The following PPP3CA variants were observed in gnomAD, a reference collection of about 807,000 sequenced individuals.
The protein encoded by PPP3CA is protein phosphatase 3 catalytic subunit alpha.
Under a neutral mutation model 66.5 loss-of-function variants are expected in PPP3CA, and 14 were observed. The ratio of observed to expected loss-of-function variants is 0.21; its 90% CI spans 0.14 to 0.33. The LOEUF is 0.33. PPP3CA is among the 10% of genes least tolerant of loss of function. The pLI, the probability that PPP3CA is intolerant of heterozygous loss-of-function variation, is 1.00. For synonymous variants in PPP3CA, 232 were observed against 226.2 expected (o/e 1.03, Z -0.23); for missense variants, 317 against 639.5 (o/e 0.50, Z 5.44).
intron 4 of PPP3CA, among the ~76,000 whole-genome samples, chr4:101,099,356 CTTGT>C (rs1730342461): frequency 6.6e-6 from 1 of 152,068 alleles, no homozygotes; most frequent in Admixed American, 6.6e-5. Flanking sequence ...CCCTAAATCA[CTTGT>C]TTCTTAGGAT....
At chr4:101,085,624 T>C (rs1340782891) in intron 6 of PPP3CA, among the ~76,000 whole-genome samples, 2 of 152,202 alleles carry the variant, frequency 1.3e-5, no homozygotes, top group Non-Finnish European at 2.9e-5. Flanking sequence ...TATACTCAGC[T>C]TTTCAAAGAA....
intron 10 of PPP3CA, among the ~76,000 whole-genome samples, chr4:101,045,987 G>C (rs1360694962): frequency 6.6e-6 from 1 of 152,212 alleles, no homozygotes; most frequent in Non-Finnish European, 1.5e-5. Flanking sequence ...ATACTTGGAA[G>C]AAATTTGGTT....
chr4:101,216,875 T>A (rs1020532711), intron 1 of PPP3CA, among the ~76,000 whole-genome samples: 4 of 152,036 alleles, frequency 2.6e-5, no homozygotes, highest in Non-Finnish European at 5.9e-5. Flanking sequence ...CTTCTTACAG[T>A]TAAATAAAAT....
intron 8 of PPP3CA, among the ~76,000 whole-genome samples, chr4:101,063,849 A>G (rs113498904): frequency 9.9e-5 from 15 of 152,108 alleles, no homozygotes; most frequent in African/African-American, 3.6e-4. Context: ...TTAAATTAAT[A>G]TAATAATTGT....
chr4:101,252,277 C>T (rs1726702283), intron 1 of PPP3CA, among the ~76,000 whole-genome samples: 1 of 151,988 alleles, frequency 6.6e-6, no homozygotes. Flanking sequence ...CCATGTTAGT[C>T]GTGAAAGAAC....
At chr4:101,079,417 C>T (rs1474594590) in intron 8 of PPP3CA, among the ~76,000 whole-genome samples, 4 of 145,032 alleles carry the variant, frequency 2.8e-5, no homozygotes, top group African/African-American at 5.1e-5. Context: ...CTCGCTCTGT[C>T]GCCCAGGCTG....
chr4:101,063,451 T>G, intron 8 of PPP3CA, 94 bp from the exon 9 acceptor site: 1 of 1,424,866 alleles, frequency 7.0e-7, no homozygotes, highest in Middle Eastern at 2.6e-4. Context: ...ACCATTTGAC[T>G]GAAGTTCCAA....
At chr4:101,144,171 T>G (rs971620002) in intron 2 of PPP3CA, among the ~76,000 whole-genome samples, 1 of 152,216 alleles carries the variant, frequency 6.6e-6, no homozygotes, top group African/African-American at 2.4e-5. Flanking sequence ...GCCTTCAGCC[T>G]TGCTCCCTCC....
chr4:101,117,471 TTGAA>T (rs904050682), intron 2 of PPP3CA, among the ~76,000 whole-genome samples: 31 of 151,886 alleles, frequency 2.0e-4, no homozygotes, highest in Admixed American at 4.6e-4. Context: ...CCTCCATTGA[TTGAA>T]TACTTTAAAA....
At chr4:101,271,551 G>A (rs1727337097) in intron 1 of PPP3CA, among the ~76,000 whole-genome samples, 1 of 152,098 alleles carries the variant, frequency 6.6e-6, no homozygotes, top group Non-Finnish European at 1.5e-5. Context: ...AAATAAAAAA[G>A]CATAATTAAG....
chr4:101,066,065 T>C (rs755763551), intron 8 of PPP3CA, among the ~76,000 whole-genome samples: 1 of 152,162 alleles, frequency 6.6e-6, no homozygotes, highest in Non-Finnish European at 1.5e-5. Flanking sequence ...TTATCATTTA[T>C]ATTTTGAAAA....
chr4:101,218,472 A>AT (rs147534891), intron 1 of PPP3CA, among the ~76,000 whole-genome samples: 6,855 of 151,838 alleles, frequency 0.045, 483 homozygotes, highest in African/African-American at 0.15. Flanking sequence ...CTTACTGTGG[A>AT]TTTTTTTTCC....
intron 2 of PPP3CA, among the ~76,000 whole-genome samples, chr4:101,186,122 T>A (rs1454502933): frequency 6.6e-6 from 1 of 152,184 alleles, no homozygotes; most frequent in Non-Finnish European, 1.5e-5. Flanking sequence ...AAATGATATT[T>A]GCCTAGTGTT....
chr4:101,316,055 T>C lies in PPP3CA; in HGVS notation c.58+30684A>G, dbSNP rs189203830. Among the ~76,000 whole-genome samples, 635 of 152,000 alleles carry C rather than the reference T, an allele frequency of 4.2e-3. 7 individuals are homozygous for C. Among genetic ancestry groups the C allele is most frequent in the Middle Eastern group, 0.027 (8 of 294 alleles). On this transcript the variant is annotated intron_variant, in intron 1 of 13. Coordinates refer to ENST00000394854, the MANE Select transcript of PPP3CA (RefSeq NM_000944.5). The stretch of plus-strand genomic sequence containing the variant: ...AGGGTAAGAAACATTTAAGGATACA[T>C]CTCAAAAGTAACATTCAGCACTTCA...
intron 1 of PPP3CA, among the ~76,000 whole-genome samples, chr4:101,232,878 A>G (rs1343633183): frequency 6.6e-6 from 1 of 151,712 alleles, no homozygotes; most frequent in East Asian, 1.9e-4. Flanking sequence ...CTGGTATTCT[A>G]ACAACAGAAA....
rs11929710 is a variant in PPP3CA at position 101,097,849 on chromosome 4, C to T, written c.642+518G>A. On this transcript the variant is annotated intron_variant, in intron 5 of 13. Coordinates refer to ENST00000394854, the MANE Select transcript of PPP3CA (RefSeq NM_000944.5). ...ATTTCTTAAAAACTTCTTACAAATA[C>T]TTCTTAAAAAGTCCAGTTTTTCACT... Among the ~76,000 whole-genome samples, 398 of 152,256 alleles carry T rather than the reference C, an allele frequency of 2.6e-3. 2 individuals carry two copies. Among genetic ancestry groups the T allele is most frequent in the African/African-American group, 9.1e-3 (378 of 41,568 alleles).
chr4:101,170,576 T>C (rs550255884), intron 2 of PPP3CA, among the ~76,000 whole-genome samples: 11 of 151,156 alleles, frequency 7.3e-5, no homozygotes, highest in African/African-American at 2.7e-4. Context: ...AAAAAAAAAA[T>C]AACAACAGGA....
intron 2 of PPP3CA, among the ~76,000 whole-genome samples, chr4:101,138,510 T>G (rs1722694244): frequency 6.6e-6 from 1 of 152,246 alleles, no homozygotes; most frequent in South Asian, 2.1e-4. Context: ...TTTTGTATTT[T>G]GGATTTTTTG....
At chr4:101,106,409 G>GA (rs1352124199) in intron 3 of PPP3CA, among the ~76,000 whole-genome samples, 1 of 7,924 alleles carries the variant, frequency 1.3e-4, no homozygotes, top group East Asian at 2.6e-3. Context: ...AAGAAAGAAA[G>GA]AAAGAAAGAA....
Sources: gnomAD v4.1 joint callset for allele counts (sites outside exome capture counted in the v4.1 genomes callset) on GRCh38, gnomAD v4.1.1 for gene constraint, MANE v1.5 for transcripts, NCBI Gene and HGNC (gene_info 2026-07-23, HGNC 2026-07-21) for gene names.